The following HDAC9 variants were observed in gnomAD, a reference collection of about 807,000 sequenced individuals.
HDAC9 encodes MEF-2 interacting transcription repressor (MITR) protein.
In HDAC9, 41 loss-of-function variants were observed where a neutral mutation model predicts 139.4. The observed-to-expected ratio is 0.29, with a 90% confidence interval of 0.23 to 0.38. HDAC9 has a LOEUF of 0.38. Among genes scored for constraint, HDAC9 ranks in the 10% least tolerant of loss-of-function variants. The pLI, the probability that HDAC9 is intolerant of heterozygous loss-of-function variation, is 1.00. For synonymous variants in HDAC9, 517 were observed against 476.2 expected, an observed-to-expected ratio of 1.09 and a Z score of -1.12; for missense variants, 1,147 against 1,297.0, an observed-to-expected ratio of 0.88 and a Z score of 1.78.
intron 1 of HDAC9, among the ~76,000 whole-genome samples, chr7:18,322,860 T>C (rs915224246): frequency 2.6e-5 from 4 of 151,890 alleles, no homozygotes; most frequent in Non-Finnish European, 5.9e-5. Flanking sequence ...CCAATAAGCA[T>C]ATGGGAAATG....
chr7:18,605,566 T>A (rs1304923709), intron 6 of HDAC9, among the ~76,000 whole-genome samples: 1 of 152,220 alleles, frequency 6.6e-6, no homozygotes, highest in East Asian at 1.9e-4. Flanking sequence ...CTACCTTCAC[T>A]TAAACAGAAA....
At chr7:18,442,553 G>A (rs945260225) in intron 1 of HDAC9, among the ~76,000 whole-genome samples, 1 of 152,140 alleles carries the variant, frequency 6.6e-6, no homozygotes, top group African/African-American at 2.4e-5. Context: ...CCCAAAATCA[G>A]TCGGATATCT....
intron 1 of HDAC9, among the ~76,000 whole-genome samples, chr7:18,315,512 T>C (rs1799578590): frequency 6.6e-6 from 1 of 152,234 alleles, no homozygotes; most frequent in African/African-American, 2.4e-5. Flanking sequence ...TTAACACCTC[T>C]CTGCTGTAAG....
intron 2 of HDAC9, among the ~76,000 whole-genome samples, chr7:18,265,091 GA>G (rs1480608106): frequency 6.6e-6 from 1 of 152,124 alleles, no homozygotes; most frequent in Admixed American, 6.5e-5. Context: ...AATGCTGGCT[GA>G]AGAATGGAAA....
intron 2 of HDAC9, among the ~76,000 whole-genome samples, chr7:18,185,779 G>A (rs1272721947): frequency 6.6e-6 from 1 of 152,104 alleles, no homozygotes; most frequent in African/African-American, 2.4e-5. Flanking sequence ...AATCAATGGA[G>A]TAAATGGGAC....
chr7:18,335,303 G>C (rs916921393), intron 1 of HDAC9, among the ~76,000 whole-genome samples: 1 of 151,526 alleles, frequency 6.6e-6, no homozygotes, highest in African/African-American at 2.4e-5. Flanking sequence ...GCTGCAGAGA[G>C]ATAAAAATAC....
intron 17 of HDAC9, among the ~76,000 whole-genome samples, chr7:18,821,793 T>C (rs1480692158): frequency 6.6e-6 from 1 of 152,224 alleles, no homozygotes; most frequent in Non-Finnish European, 1.5e-5. Flanking sequence ...GTCCAGGTTT[T>C]CATCTGTGCC....
intron 1 of HDAC9, among the ~76,000 whole-genome samples, chr7:18,368,161 T>A (rs1358554185): frequency 6.6e-6 from 1 of 152,124 alleles, no homozygotes; most frequent in Non-Finnish European, 1.5e-5. Flanking sequence ...GCTTTCTTTT[T>A]GATGGATTCA....
At chr7:18,934,117 TAAAAG>T (rs1011536739) in intron 22 of HDAC9, among the ~76,000 whole-genome samples, 4 of 151,712 alleles carry the variant, frequency 2.6e-5, no homozygotes, top group South Asian at 2.1e-4. Context: ...AACAATGAAA[TAAAAG>T]AAGGAAACGC....
At chr7:18,279,718 C>A (rs989060773) in intron 2 of HDAC9, among the ~76,000 whole-genome samples, 1 of 152,056 alleles carries the variant, frequency 6.6e-6, no homozygotes, top group South Asian at 2.1e-4. Context: ...CCCCCCTCGA[C>A]CCCCCAAAGT....
chr7:18,538,398 A>G (rs903907069), intron 2 of HDAC9, among the ~76,000 whole-genome samples: 1 of 152,244 alleles, frequency 6.6e-6, no homozygotes, highest in Admixed American at 6.5e-5. Flanking sequence ...AAACCGTGAC[A>G]GGAATTTATC....
intron 22 of HDAC9, among the ~76,000 whole-genome samples, chr7:18,928,952 A>T (rs1388790170): frequency 6.6e-6 from 1 of 152,008 alleles, no homozygotes; most frequent in East Asian, 1.9e-4. Context: ...CGAGAATGCA[A>T]TAATTTTGGT....
chr7:18,351,980 C>T lies in HDAC9; in HGVS notation c.-42+61465C>T, dbSNP rs552671786. The stretch of plus-strand genomic sequence containing the variant: ...AAGGTGTGTGTGGAACAGAACAGAA[C>T]TAGATCACATAGCTGTGGAGAACAA... On this transcript the variant is annotated intron_variant, in intron 1 of 3. Transcript: ENST00000413509. Among the ~76,000 whole-genome samples, 3 of 152,226 alleles carry T rather than the reference C, an allele frequency of 2.0e-5. No homozygotes were observed. The East Asian group carries it at 5.8e-4, about 29-fold the overall frequency.
intron 2 of HDAC9, among the ~76,000 whole-genome samples, chr7:18,539,087 T>C (rs1285944118): frequency 6.6e-6 from 1 of 152,186 alleles, no homozygotes; most frequent in East Asian, 1.9e-4. Context: ...CTCCAAATGC[T>C]ATCAACATAT....
intron 22 of HDAC9, among the ~76,000 whole-genome samples, chr7:18,932,147 T>A (rs1804800663): frequency 2.0e-5 from 3 of 152,122 alleles, no homozygotes; most frequent in African/African-American, 4.8e-5. Flanking sequence ...AAAAATAAAA[T>A]CTATGAATTA....
At chr7:18,671,129 A>G (rs978100896) in intron 12 of HDAC9, among the ~76,000 whole-genome samples, 1 of 151,978 alleles carries the variant, frequency 6.6e-6, no homozygotes, top group Non-Finnish European at 1.5e-5. Context: ...TTTCTAAGCC[A>G]TCAGGACGCT....
intron 1 of HDAC9, among the ~76,000 whole-genome samples, chr7:18,462,010 A>G (rs116224991): frequency 6.6e-6 from 1 of 152,078 alleles, no homozygotes; most frequent in Admixed American, 6.6e-5. Flanking sequence ...CTAAATTAGT[A>G]AATGGTTATG....
intron 2 of HDAC9, among the ~76,000 whole-genome samples, chr7:18,571,437 C>T (rs1351883171): frequency 6.6e-6 from 1 of 152,152 alleles, no homozygotes; most frequent in Non-Finnish European, 1.5e-5. Context: ...CTTGGTTCCT[C>T]CTCTCCGTCT....
At chr7:18,571,126 G>T (rs571121199) in intron 2 of HDAC9, among the ~76,000 whole-genome samples, 1 of 152,332 alleles carries the variant, frequency 6.6e-6, no homozygotes, top group South Asian at 2.1e-4. Flanking sequence ...AGCTTGGCAA[G>T]GCTTATATGA....
Sources: allele counts gnomAD v4.1 joint callset (sites outside exome capture counted in the v4.1 genomes callset), GRCh38; gene constraint gnomAD v4.1.1; transcripts MANE v1.5; gene names NCBI Gene and HGNC (gene_info 2026-07-23, HGNC 2026-07-21).